Variants in THADA observed in about 807,000 individuals in gnomAD.
THADA encodes THADA armadillo repeat containing, also known as tRNA (32-2'-O)-methyltransferase regulator THADA.
THADA carries 213 observed loss-of-function variants against 219.8 expected under a neutral mutation model. That is an observed-to-expected ratio of 0.97 (90% CI 0.87 to 1.09). The LOEUF (loss-of-function observed/expected upper bound fraction) is 1.09. Among genes scored for constraint, THADA ranks in the 50% least tolerant of loss-of-function variants. The pLI is 0.00. For missense variants in THADA, 2,956 were observed against 2,311.3 expected, an observed-to-expected ratio of 1.28 and a Z score of -5.72; for synonymous variants, 1,018 against 828.9, an observed-to-expected ratio of 1.23 and a Z score of -3.92.
At position 43,444,383 on chromosome 2, in the gene THADA, C is replaced by T. The variant is rs1681253903; in HGVS notation, c.3837-14081G>A. The stretch of plus-strand genomic sequence containing the variant: ...GCACTAACCTTGACACCAAGAACAA[C>T]TTACTCCCATCTGGGTTAAGCCATA... On this transcript the variant is annotated intron_variant, in intron 26 of 37. Coordinates refer to ENST00000405975, the MANE Select transcript of THADA (RefSeq NM_022065.5). 2.0e-5 allele frequency among the ~76,000 whole-genome samples: 3 copies of T among 152,358 alleles called. No homozygotes were observed. The South Asian group carries it at 6.2e-4, about 32-fold the overall frequency.
chr2:43,337,877 T>A (rs1005436955), intron 30 of THADA, among the ~76,000 whole-genome samples: 12 of 152,204 alleles, frequency 7.9e-5, no homozygotes, highest in African/African-American at 2.9e-4. Context: ...AAAGTTTTTT[T>A]TTCTTAATTG....
intron 22 of THADA, among the ~76,000 whole-genome samples, chr2:43,526,814 A>G (rs758776673): frequency 6.6e-6 from 1 of 152,206 alleles, no homozygotes; most frequent in Non-Finnish European, 1.5e-5. Context: ...CTTATAAAAA[A>G]ACCATAATAT....
chr2:43,434,402 G>A (rs1356520639), intron 26 of THADA, among the ~76,000 whole-genome samples: 1 of 152,198 alleles, frequency 6.6e-6, no homozygotes, highest in South Asian at 2.1e-4. Context: ...GGTGAAGACA[G>A]GCACTCCTGC....
intron 36 of THADA, among the ~76,000 whole-genome samples, chr2:43,236,010 C>T (rs986298834): frequency 3.3e-5 from 5 of 152,068 alleles, no homozygotes; most frequent in African/African-American, 4.8e-5. Flanking sequence ...GGGGTTTCAC[C>T]GTGTTAGCCA....
chr2:43,293,290 T>A, intron 31 of THADA, 77 bp from the exon 32 acceptor site: 9 of 1,402,658 alleles, frequency 6.4e-6, no homozygotes, highest in Non-Finnish European at 8.7e-6. Flanking sequence ...GAATGAAGAC[T>A]GAATCCACTG....
intron 28 of THADA, chr2:43,408,315 C>T (rs1361283116): frequency 6.6e-6 from 1 of 152,158 alleles, no homozygotes; most frequent in African/African-American, 2.4e-5. Context: ...TTGTGCTTGC[C>T]TCGGCAGCAC....
At chr2:43,286,870 G>A (rs1674083964) in intron 35 of THADA, 38 bp downstream of exon 35, 1 of 1,583,528 alleles carries the variant, frequency 6.3e-7, no homozygotes, top group Non-Finnish European at 8.6e-7. Context: ...TATTTTAAGT[G>A]AGTTTGGTAC....
chr2:43,254,674 G>A (rs1670129871), intron 36 of THADA, among the ~76,000 whole-genome samples: 1 of 152,014 alleles, frequency 6.6e-6, no homozygotes, highest in African/African-American at 2.4e-5. Flanking sequence ...TTTAAGGTTT[G>A]GCTGTAATGA....
chr2:43,370,037 T>G (rs2104618449), intron 29 of THADA: 1 of 152,356 alleles, frequency 6.6e-6, no homozygotes, highest in African/African-American at 2.4e-5. Flanking sequence ...ACTGAGCATT[T>G]AATTGAAACT....
rs371704833 is a variant in THADA at position 43,549,202 on chromosome 2, C to G, written c.3106+8G>C. The G allele has an allele frequency of 1.1e-5, 17 of 1,553,532 alleles. No individual in the cohort carries two copies. The Admixed American group carries it at 3.4e-4, about 31-fold the overall frequency. ...CATGAATTACAGTATCCATTTTATA[C>G]AAGTTACCTTTGATTTCTGTAGAAG... On this transcript the variant is annotated splice_region_variant and intron_variant, in intron 20 of 37. Transcript: ENST00000405975.
chr2:43,426,310 C>T lies in THADA; in HGVS notation c.4058+1790G>A, dbSNP rs113713824. Among the ~76,000 whole-genome samples, 36 of 152,276 alleles carry T rather than the reference C, an allele frequency of 2.4e-4. 1 individual carries two copies. Among genetic ancestry groups the T allele is most frequent in the African/African-American group, 8.4e-4 (35 of 41,556 alleles). Reference sequence around the variant, plus strand: ...ATTATTTCTAGGATGCAATGAACAACAGACTGAGTAGTAAAAAGCTTCCAC... The same window carrying T: ...ATTATTTCTAGGATGCAATGAACAATAGACTGAGTAGTAAAAAGCTTCCAC... On this transcript the variant is annotated intron_variant, in intron 28 of 37. Transcript: ENST00000405975.
intron 7 of THADA, among the ~76,000 whole-genome samples, chr2:43,583,679 T>C (rs1393799090): frequency 2.0e-5 from 3 of 152,060 alleles, no homozygotes; most frequent in Non-Finnish European, 2.9e-5. Flanking sequence ...CATCGACAGA[T>C]TGATTAACAT....
Position 43,286,997 on chromosome 2 carries a change from T to C in THADA, c.5075A>G (p.Asp1692Gly). ...WVQLVILSCE[D>G]HLPTESRLAV... ...CAGCCTAGACTCTGTAGGAAGATGGTCTTCACATGACAAGATGACCAGCTG... is the reference window on the plus strand; with the variant it reads ...CAGCCTAGACTCTGTAGGAAGATGGCCTTCACATGACAAGATGACCAGCTG... The change falls in exon 35 of 38, where the codon GAC becomes GGC. Residue 1692 changes from aspartate to glycine, a missense_variant. By Grantham distance (94) the Asp-to-Gly change is moderately conservative. Transcript: ENST00000405975. 2 of 1,613,912 alleles carry C rather than the reference T, an allele frequency of 1.2e-6. No homozygotes were observed. Among genetic ancestry groups the C allele is most frequent in the Non-Finnish European group, 1.7e-6 (2 of 1,179,874 alleles).
chr2:43,386,032 C>T (rs955374187), intron 29 of THADA, among the ~76,000 whole-genome samples: 13 of 152,024 alleles, frequency 8.6e-5, no homozygotes, highest in African/African-American at 3.1e-4. Flanking sequence ...ATACCTATTC[C>T]ATATGAACAT....
chr2:43,233,117 A>T (rs905291228), intron 36 of THADA: 4 of 517,974 alleles, frequency 7.7e-6, no homozygotes, highest in Non-Finnish European at 1.4e-5. Context: ...CCCCTAACTC[A>T]GTGTGGACAG....
intron 30 of THADA, among the ~76,000 whole-genome samples, chr2:43,325,470 T>A (rs1679214911): frequency 2.6e-5 from 4 of 152,044 alleles, no homozygotes; most frequent in African/African-American, 9.7e-5. Flanking sequence ...ATAGTGTTTT[T>A]CCAAATGTAT....
intron 24 of THADA, among the ~76,000 whole-genome samples, chr2:43,501,389 G>C (rs1264381028): frequency 1.5e-5 from 2 of 136,174 alleles, no homozygotes; most frequent in African/African-American, 2.7e-5. Context: ...GACATTAAAT[G>C]ATCTGAATAA....
At chr2:43,586,607 G>T in intron 6 of THADA, 95 bp downstream of exon 6, 2 of 1,400,852 alleles carry the variant, frequency 1.4e-6, no homozygotes, top group Non-Finnish European at 2.0e-6. Flanking sequence ...TATCTACAAT[G>T]CTCTACCTAT....
chr2:43,262,936 C>T (rs1265847559), intron 36 of THADA, among the ~76,000 whole-genome samples: 3 of 152,182 alleles, frequency 2.0e-5, no homozygotes, highest in African/African-American at 7.2e-5. Flanking sequence ...GCGTCCCCTC[C>T]CCACTTCTGT....
Sources: allele counts gnomAD v4.1 joint callset (sites outside exome capture counted in the v4.1 genomes callset), GRCh38; gene constraint gnomAD v4.1.1; transcripts MANE v1.5; gene names NCBI Gene and HGNC (gene_info 2026-07-23, HGNC 2026-07-21).